The following ARNT2 variants were observed in gnomAD, a reference collection of about 807,000 sequenced individuals.
ARNT2 encodes ARNT protein 2.
Under a neutral mutation model 91.7 loss-of-function variants are expected in ARNT2, and 36 were observed. The ratio of observed to expected loss-of-function variants is 0.39; its 90% CI spans 0.30 to 0.52. ARNT2 has a LOEUF of 0.52. ARNT2 is among the 20% of genes least tolerant of loss of function. ARNT2 has a pLI of 0.72. For missense variants in ARNT2, 775 were observed against 939.3 expected (o/e 0.83, Z 2.29); for synonymous variants, 365 against 347.1 (o/e 1.05, Z -0.57).
rs1893391079 is a variant in ARNT2 at position 80,597,373 on chromosome 15, C to T, written c.*3675C>T. 4.0e-6 allele frequency: 2 copies of T among 499,604 alleles called. No homozygotes were observed. The highest frequency in any genetic ancestry group is 2.0e-5 in the African/African-American group (1 of 51,242). 30.9% of individuals were successfully genotyped at this position (499,604 alleles called of 1,614,324 possible). Reference sequence around the variant, plus strand: ...CAGAATAGAAGTGTCCTTTATATTACCAGAAAATATGGGCTTGGCCTAAGT... The same window carrying T: ...CAGAATAGAAGTGTCCTTTATATTATCAGAAAATATGGGCTTGGCCTAAGT... On this transcript the variant is annotated 3_prime_UTR_variant, in exon 19 of 19. Coordinates refer to ENST00000303329, the MANE Select transcript of ARNT2 (RefSeq NM_014862.4).
At chr15:80,536,252 A>G (rs1897821488) in intron 8 of ARNT2, among the ~76,000 whole-genome samples, 1 of 152,256 alleles carries the variant, frequency 6.6e-6, no homozygotes, top group Non-Finnish European at 1.5e-5. Flanking sequence ...TGGGACCAGC[A>G]GAGTGCACAG....
In ARNT2 at chr15:80,597,146, C is replaced by G. The variant is rs114696110; in HGVS notation, c.*3448C>G. Reference sequence around the variant, plus strand: ...ATGTTCTCCAGATTAGCCACACATGCAAACATCAGTGTCCTTCTAGCTTTA... The same window carrying G: ...ATGTTCTCCAGATTAGCCACACATGGAAACATCAGTGTCCTTCTAGCTTTA... On this transcript the variant is annotated 3_prime_UTR_variant, in exon 19 of 19. Coordinates refer to ENST00000303329, the MANE Select transcript of ARNT2 (RefSeq NM_014862.4). The G allele has an allele frequency of 2.7e-3, 1,407 of 518,690 alleles. 24 individuals are homozygous for G. Among genetic ancestry groups the G allele is most frequent in the African/African-American group, 0.025 (1,287 of 51,960 alleles). 32.1% of individuals were successfully genotyped at this position (518,690 alleles called of 1,614,324 possible).
chr15:80,433,404 G>A lies in ARNT2; in HGVS notation c.32-17476G>A, dbSNP rs1233385204. ...AGGTTCAAGTGATTCTCCTGCCTCA[G>A]CCTCTCGAGTAGCTGGGTCTACAGG... On this transcript the variant is annotated intron_variant, in intron 1 of 18. Coordinates refer to ENST00000303329, the MANE Select transcript of ARNT2 (RefSeq NM_014862.4). 2.0e-5 allele frequency among the ~76,000 whole-genome samples: 3 copies of A among 151,860 alleles called. No homozygotes were observed. The South Asian group carries it at 6.2e-4, about 32-fold the overall frequency.
chr15:80,563,314 G>C, intron 12 of ARNT2, 75 bp downstream of exon 12: 1 of 1,570,386 alleles, frequency 6.4e-7, no homozygotes, highest in Non-Finnish European at 8.7e-7. Context: ...ATTTTATTTG[G>C]AGTTCTTTCT....
chr15:80,404,553 AGC>A lies in ARNT2; in HGVS notation c.31+9_31+10del. On this transcript the variant is annotated splice_region_variant and intron_variant, in intron 1 of 18. Coordinates refer to ENST00000303329, the MANE Select transcript of ARNT2 (RefSeq NM_014862.4). This position sits in a 1 kb window ranked among gnomAD's most constrained non-coding sequence, Gnocchi z 5.5. The stretch of plus-strand genomic sequence containing the variant: ...GCGGCGGTCAACCCTCCGGGTGAGT[AGC>A]GGCCTGGGCCCCGCCGCCCGCCGCA... 8.6e-7 allele frequency: 1 copy of A among 1,163,792 alleles called. No homozygotes were observed. The highest frequency in any genetic ancestry group is 1.1e-6 in the Non-Finnish European group (1 of 929,936). 72.1% of individuals were successfully genotyped at this position (1,163,792 alleles called of 1,614,324 possible).
chr15:80,568,902 G>A (rs1445460909), intron 12 of ARNT2, among the ~76,000 whole-genome samples: 2 of 152,182 alleles, frequency 1.3e-5, no homozygotes, highest in East Asian at 1.9e-4. Context: ...GCCAGTCCAC[G>A]TGGCCCAGGA....
chr15:80,497,892 A>G lies in ARNT2; in HGVS notation c.623-10264A>G, dbSNP rs113132509. On this transcript the variant is annotated intron_variant, in intron 5 of 18. Coordinates refer to ENST00000303329, the MANE Select transcript of ARNT2 (RefSeq NM_014862.4). Reference sequence around the variant, plus strand: ...AGCAAGAATTTAAGGGAGAAGGGGGAAGGGAAGGACTTTCTAATACACTTC... The same window carrying G: ...AGCAAGAATTTAAGGGAGAAGGGGGGAGGGAAGGACTTTCTAATACACTTC... Among the ~76,000 whole-genome samples, 231 of 152,324 alleles carry G rather than the reference A, an allele frequency of 1.5e-3. 2 individuals carry two copies. Among genetic ancestry groups the G allele is most frequent in the South Asian group, 5.4e-3 (26 of 4,818 alleles).
intron 2 of ARNT2, among the ~76,000 whole-genome samples, chr15:80,453,788 G>T (rs895254589): frequency 6.6e-6 from 1 of 152,136 alleles, no homozygotes; most frequent in Non-Finnish European, 1.5e-5. Flanking sequence ...AGAGAGAGAG[G>T]GGAAAGAAGA....
intron 8 of ARNT2, among the ~76,000 whole-genome samples, chr15:80,546,303 A>G (rs1304231477): frequency 6.6e-6 from 1 of 152,122 alleles, no homozygotes; most frequent in Non-Finnish European, 1.5e-5. Flanking sequence ...CCCCGGTCAT[A>G]TCTATGTTTC....
At chr15:80,569,069 G>C (rs1257462204) in intron 12 of ARNT2, among the ~76,000 whole-genome samples, 1 of 152,186 alleles carries the variant, frequency 6.6e-6, no homozygotes, top group African/African-American at 2.4e-5. Context: ...GCTCAGTCAG[G>C]GTGGATATTA....
Position 80,514,384 on chromosome 15 carries a change from A to G in ARNT2, c.856A>G (p.Ile286Val). 6.2e-7 allele frequency: 1 copy of G among 1,614,214 alleles called. No homozygotes were observed. Among genetic ancestry groups the G allele is most frequent in the Non-Finnish European group, 8.5e-7 (1 of 1,180,032 alleles). The change falls in exon 8 of 19, where the codon ATC becomes GTC. Residue 286 changes from isoleucine (I) to valine (V), a missense_variant. Transcript: ENST00000303329. ...TGCTGTGGTCCACTGTACAGGATAC[A>G]TCAAGGCCTGGCCACCAGCAGGTAA... ...QYAVVHCTGY[I>V]KAWPPAGMTI...
intron 14 of ARNT2, 122 bp from the exon 15 acceptor site, chr15:80,576,744 G>T: frequency 1.0e-6 from 1 of 967,968 alleles, no homozygotes. Flanking sequence ...GTGCAGGCGG[G>T]CTGCCCTGAC....
Position 80,587,098 on chromosome 15 carries a change from A to G in ARNT2, c.1919-4470A>G, listed in dbSNP as rs138352956. Among the ~76,000 whole-genome samples, 1,363 of 152,306 alleles carry G rather than the reference A, an allele frequency of 8.9e-3. 26 individuals carry two copies. Among genetic ancestry groups the G allele is most frequent in the African/African-American group, 0.031 (1,301 of 41,566 alleles). ...ATCCCTAATACTAGTTAGTGTTGAA[A>G]AGGTGAGGCCTTAGCCAGAAGGCTC... On this transcript the variant is annotated intron_variant, in intron 17 of 18. Coordinates refer to ENST00000303329, the MANE Select transcript of ARNT2 (RefSeq NM_014862.4).
chr15:80,503,270 G>A (rs979857375), intron 5 of ARNT2, among the ~76,000 whole-genome samples: 7 of 152,202 alleles, frequency 4.6e-5, no homozygotes, highest in African/African-American at 1.7e-4. Context: ...GTGCTGGGGC[G>A]ATGGCCACTT....
chr15:80,518,084 T>C (rs1434204362), intron 8 of ARNT2, among the ~76,000 whole-genome samples: 1 of 152,104 alleles, frequency 6.6e-6, no homozygotes, highest in Non-Finnish European at 1.5e-5. Context: ...CCAGACATGT[T>C]GTATCAGATA....
intron 8 of ARNT2, among the ~76,000 whole-genome samples, chr15:80,519,305 A>G (rs567431283): frequency 6.6e-6 from 1 of 152,172 alleles, no homozygotes; most frequent in Non-Finnish European, 1.5e-5. Flanking sequence ...AAGGGTGGAT[A>G]TGGGGGGAAG....
chr15:80,552,748 A>G lies in ARNT2; in HGVS notation c.1063A>G (p.Ile355Val). The change falls in exon 10 of 19, where the codon ATC becomes GTC. Residue 355 changes from isoleucine to valine, a missense_variant. Ile to Val is a conservative substitution (Grantham distance 29, BLOSUM62 3). This residue lies in a region of ARNT2 where 285 missense variants were observed against 327.2 expected (regional missense o/e 0.87). Coordinates refer to ENST00000303329, the MANE Select transcript of ARNT2 (RefSeq NM_014862.4). ...CATCACATTTGTGGATCCAAGATGT[A>G]TCAGTGTGATTGGCTACCAACCCCA... ...GIITFVDPRC[I>V]SVIGYQPQDL... 6.2e-7 allele frequency: 1 copy of G among 1,614,132 alleles called. No homozygotes were observed. The highest frequency in any genetic ancestry group is 1.3e-5 in the African/African-American group (1 of 75,050).
intron 8 of ARNT2, among the ~76,000 whole-genome samples, chr15:80,517,961 T>G (rs4778600): frequency 0.9 from 137,496 of 152,194 alleles, 62,366 homozygotes; most frequent in East Asian, 1. Context: ...TTAAATATTT[T>G]GTGATTTCAT....
chr15:80,544,861 A>G (rs1897965977), intron 8 of ARNT2, among the ~76,000 whole-genome samples: 2 of 152,224 alleles, frequency 1.3e-5, no homozygotes, highest in Non-Finnish European at 2.9e-5. Context: ...ACTCAGTCAT[A>G]TTCTTCACTT....
Sources: gnomAD v4.1 joint callset for allele counts (sites outside exome capture counted in the v4.1 genomes callset) on GRCh38, gnomAD v4.1.1 for gene constraint, gnomAD v4.1.1 regional missense constraint, Gnocchi (gnomAD v3.1) non-coding constraint, MANE v1.5 for transcripts, NCBI Gene and HGNC (gene_info 2026-07-23, HGNC 2026-07-21) for gene names.